The following PHTF2 variants were observed in gnomAD, a reference collection of about 807,000 sequenced individuals.
The protein encoded by PHTF2 is protein PHTF2.
PHTF2 carries 60 observed loss-of-function variants against 101.2 expected under a neutral mutation model. That is an observed-to-expected ratio of 0.59 (90% CI 0.48 to 0.73). PHTF2 has a LOEUF of 0.73. PHTF2 is among the 30% of genes least tolerant of loss of function. PHTF2 has a pLI of 0.00. For missense variants in PHTF2, 747 were observed against 908.7 expected (o/e 0.82, Z 2.29); for synonymous variants, 311 against 307.3 (o/e 1.01, Z -0.13).
chr7:77,852,560 G>C (rs1304167644), intron 2 of PHTF2, among the ~76,000 whole-genome samples: 2 of 152,094 alleles, frequency 1.3e-5, no homozygotes, highest in South Asian at 2.1e-4. Context: ...AAAAGTTGTT[G>C]TAGTTGTTAG....
At chr7:77,801,081 A>G (rs1274678071) in intron 1 of PHTF2, among the ~76,000 whole-genome samples, 2 of 152,214 alleles carry the variant, frequency 1.3e-5, no homozygotes, top group African/African-American at 4.8e-5. Flanking sequence ...TATAATAGGC[A>G]CTGTTGGATT....
chr7:77,932,615 AGAGAGAGTGTGTGT>A (rs1368285603), intron 12 of PHTF2, among the ~76,000 whole-genome samples: 20 of 114,518 alleles, frequency 1.7e-4, no homozygotes, highest in African/African-American at 7.0e-4. Context: ...AGAGAGAGAG[AGAGAGAGTGTGTGT>A]GTGTGTGTGT....
chr7:77,900,774 G>T (rs779302221), exon 6 of PHTF2: 21 of 1,515,112 alleles, frequency 1.4e-5, no homozygotes, highest in Non-Finnish European at 1.5e-5. Flanking sequence ...TGTTGATCTT[G>T]TAAGAGGTGA....
intron 11 of PHTF2, chr7:77,923,923 G>T: frequency 3.1e-6 from 3 of 967,194 alleles, no homozygotes; most frequent in Non-Finnish European, 3.7e-6. Flanking sequence ...AAATTAAAAG[G>T]TTGTTTAAAA....
chr7:77,905,107 T>C (rs1014087647), intron 7 of PHTF2, among the ~76,000 whole-genome samples: 8 of 152,270 alleles, frequency 5.3e-5, no homozygotes, highest in African/African-American at 1.9e-4. Flanking sequence ...TGGATACCCC[T>C]GGTCTAAACC....
chr7:77,840,131 A>G lies in PHTF2; in HGVS notation c.-35-90A>G, dbSNP rs185382508. The stretch of plus-strand genomic sequence containing the variant: ...CTCGTCATACACCCCTTGCTCTGCA[A>G]GTAACCAGAGTGCTATGTCTGCATG... On this transcript the variant is annotated intron_variant, in intron 1 of 19. Coordinates refer to ENST00000416283, the Ensembl canonical transcript of PHTF2. 1.5e-5 allele frequency: 10 copies of G among 654,768 alleles called. No individual in the cohort carries two copies. In the Admixed American group the frequency reaches 2.3e-4, roughly 15 times the overall value. The allele number at this position is 654,768 out of a possible 1,614,324, so 40.6% of individuals were successfully genotyped here.
intron 3 of PHTF2, among the ~76,000 whole-genome samples, chr7:77,873,728 A>C: frequency 6.6e-6 from 1 of 152,218 alleles, no homozygotes; most frequent in East Asian, 1.9e-4. Context: ...ATCAGAATTT[A>C]CAAACTCAGT....
chr7:77,854,204 G>C (rs551155465), intron 2 of PHTF2, among the ~76,000 whole-genome samples: 1 of 152,316 alleles, frequency 6.6e-6, no homozygotes, highest in East Asian at 1.9e-4. Context: ...TTGCAAACTT[G>C]TGCAGGTACT....
At chr7:77,813,736 G>T (rs188814810) in intron 1 of PHTF2, among the ~76,000 whole-genome samples, 2 of 152,284 alleles carry the variant, frequency 1.3e-5, no homozygotes, top group Non-Finnish European at 2.9e-5. Context: ...ACTTTTCTCT[G>T]TGATGTGGAG....
intron 5 of PHTF2, among the ~76,000 whole-genome samples, chr7:77,894,214 C>T (rs1800695043): frequency 6.6e-6 from 1 of 152,158 alleles, no homozygotes; most frequent in Non-Finnish European, 1.5e-5. Context: ...ATCTCTTATG[C>T]TGATAAAATA....
chr7:77,922,928 A>G, intron 11 of PHTF2, 150 bp downstream of exon 10: 1 of 1,350,628 alleles, frequency 7.4e-7, no homozygotes, highest in Non-Finnish European at 9.6e-7. Flanking sequence ...TTTATAAAAT[A>G]GCAGTTTTAG....
intron 10 of PHTF2, among the ~76,000 whole-genome samples, chr7:77,921,642 A>T (rs943934017): frequency 1.3e-5 from 2 of 152,168 alleles, no homozygotes; most frequent in Non-Finnish European, 2.9e-5. Context: ...AGCTCTGATA[A>T]TGTGAGCCTC....
intron 1 of PHTF2, among the ~76,000 whole-genome samples, chr7:77,817,255 C>A (rs1376980805): frequency 6.6e-6 from 1 of 151,910 alleles, no homozygotes; most frequent in Non-Finnish European, 1.5e-5. Context: ...TTGACAGTAG[C>A]CATTTTAAGT....
intron 1 of PHTF2, among the ~76,000 whole-genome samples, chr7:77,815,831 T>A (rs768417450): frequency 2.4e-4 from 36 of 152,362 alleles, no homozygotes; most frequent in Non-Finnish European, 2.6e-4. Context: ...TAAATTGGGT[T>A]AATATTCTCC....
intron 3 of PHTF2, among the ~76,000 whole-genome samples, chr7:77,860,016 A>C (rs910385422): frequency 2.0e-5 from 3 of 152,220 alleles, no homozygotes; most frequent in Non-Finnish European, 4.4e-5. Flanking sequence ...TATTATAAAT[A>C]ATAATAACAT....
At chr7:77,839,260 T>G (rs934435921) in intron 1 of PHTF2, among the ~76,000 whole-genome samples, 1 of 135,560 alleles carries the variant, frequency 7.4e-6, no homozygotes, top group African/African-American at 2.5e-5. Flanking sequence ...AGGCTCATCC[T>G]TAACACTAGA....
chr7:77,927,127 C>A (rs1381960299), intron 11 of PHTF2, among the ~76,000 whole-genome samples: 1 of 132,634 alleles, frequency 7.5e-6, no homozygotes, highest in African/African-American at 2.8e-5. Context: ...TGCTGCACTC[C>A]AGCCTGGGTG....
intron 3 of PHTF2, among the ~76,000 whole-genome samples, chr7:77,889,437 A>G (rs186521937): frequency 1.1e-3 from 166 of 152,328 alleles, no homozygotes; most frequent in African/African-American, 3.9e-3. Flanking sequence ...AAAGGCATAC[A>G]CGTTATTAAG....
chr7:77,922,227 A>C (rs1034520163), intron 10 of PHTF2, among the ~76,000 whole-genome samples: 1 of 151,606 alleles, frequency 6.6e-6, no homozygotes, highest in African/African-American at 2.4e-5. Flanking sequence ...GAGTTTTGCT[A>C]TGTTGCCCAG....
Sources: allele counts gnomAD v4.1 joint callset (sites outside exome capture counted in the v4.1 genomes callset), GRCh38; gene constraint gnomAD v4.1.1; transcripts MANE v1.5; gene names NCBI Gene and HGNC (gene_info 2026-07-23, HGNC 2026-07-21).